Variants in CRACDL observed in about 807,000 individuals in gnomAD.
CRACDL encodes the protein CRACD-like protein.
In CRACDL, 26 loss-of-function variants were observed where a neutral mutation model predicts 70.6. That is an observed-to-expected ratio of 0.37 (90% CI 0.27 to 0.51). The LOEUF (loss-of-function observed/expected upper bound fraction) is 0.51, where lower values mean the gene tolerates loss of function less well. Ranked by LOEUF, CRACDL falls within the 20% of genes least tolerant of loss-of-function variation. CRACDL has a pLI of 0.94. For missense variants in CRACDL, 1,283 were observed against 1,376.9 expected (o/e 0.93, Z 1.08); for synonymous variants, 618 against 615.2 (o/e 1.00, Z -0.07).
At chr2:98,909,669 A>G (rs1346687889) in intron 1 of CRACDL, among the ~76,000 whole-genome samples, 2 of 152,182 alleles carry the variant, frequency 1.3e-5, no homozygotes, top group Non-Finnish European at 2.9e-5. Context: ...TGACACCCAG[A>G]CCAGCTGGCC....
chr2:98,825,702 C>G (rs1705273642), intron 6 of CRACDL, among the ~76,000 whole-genome samples: 1 of 152,252 alleles, frequency 6.6e-6, no homozygotes, highest in African/African-American at 2.4e-5. Context: ...CAGCCTTTAA[C>G]TGTGCATGCA....
intron 1 of CRACDL, among the ~76,000 whole-genome samples, chr2:98,848,951 T>C (rs1706370898): frequency 6.6e-6 from 1 of 152,164 alleles, no homozygotes; most frequent in Non-Finnish European, 1.5e-5. Flanking sequence ...AGATATGGCG[T>C]CTACACTCAC....
intron 7 of CRACDL, among the ~76,000 whole-genome samples, chr2:98,801,371 A>G (rs1704068338): frequency 6.6e-6 from 1 of 152,212 alleles, no homozygotes; most frequent in Non-Finnish European, 1.5e-5. Context: ...TCAGCAGATA[A>G]GCTGAGAAAG....
At chr2:98,833,099 A>G (rs1329418509) in intron 3 of CRACDL, 102 bp from the exon 4 acceptor site, 2 of 1,057,604 alleles carry the variant, frequency 1.9e-6, no homozygotes, top group East Asian at 2.4e-5. Context: ...AGAACATCAA[A>G]CAACACTCCC....
chr2:98,910,038 T>C (rs1708509452), intron 1 of CRACDL, among the ~76,000 whole-genome samples: 1 of 152,112 alleles, frequency 6.6e-6, no homozygotes, highest in Admixed American at 6.6e-5. Context: ...CATCGCACTT[T>C]CCCTATAACT....
At chr2:98,840,856 A>G (rs1705998380) in intron 2 of CRACDL, 4 of 152,106 alleles carry the variant, frequency 2.6e-5, no homozygotes. Flanking sequence ...TTTCATTTTG[A>G]CTGCTATTAG....
chr2:98,795,077 A>ATATATATTTT, intron 9 of CRACDL, among the ~76,000 whole-genome samples: 8 of 58,494 alleles, frequency 1.4e-4, no homozygotes, highest in Admixed American at 2.2e-4. Flanking sequence ...ATATATATAT[A>ATATATATTTT]TTTTTTTTTT....
chr2:98,866,602 C>T (rs1381038861), intron 1 of CRACDL, among the ~76,000 whole-genome samples: 1 of 149,894 alleles, frequency 6.7e-6, no homozygotes, highest in East Asian at 2.0e-4. Context: ...ATTCTCCTGC[C>T]TCAGCCTCCT....
chr2:98,907,290 C>T (rs991744616), intron 1 of CRACDL, among the ~76,000 whole-genome samples: 1 of 152,186 alleles, frequency 6.6e-6, no homozygotes, highest in African/African-American at 2.4e-5. Flanking sequence ...GAAACTCCAT[C>T]TCAGGAAACA....
At chr2:98,897,158 G>A (rs533411688) in intron 1 of CRACDL, among the ~76,000 whole-genome samples, 18 of 152,024 alleles carry the variant, frequency 1.2e-4, no homozygotes, top group African/African-American at 3.1e-4. Context: ...TTTGTTCTCC[G>A]TCACGATCGT....
intron 1 of CRACDL, among the ~76,000 whole-genome samples, chr2:98,916,876 G>A (rs1276938428): frequency 6.6e-6 from 1 of 152,128 alleles, no homozygotes; most frequent in Non-Finnish European, 1.5e-5. Flanking sequence ...GTCAGCACCT[G>A]TCCTTCGGTA....
At chr2:98,814,296 T>A (rs1432408294) in intron 7 of CRACDL, among the ~76,000 whole-genome samples, 1 of 152,186 alleles carries the variant, frequency 6.6e-6, no homozygotes, top group East Asian at 1.9e-4. Flanking sequence ...TATAATTTAA[T>A]GTTGAGTTTC....
At chr2:98,801,937 G>T (rs992606571) in intron 7 of CRACDL, among the ~76,000 whole-genome samples, 1 of 152,238 alleles carries the variant, frequency 6.6e-6, no homozygotes, top group Non-Finnish European at 1.5e-5. Flanking sequence ...CCTGGAGCTT[G>T]ATGGAGACCA....
chr2:98,853,044 G>A (rs1706548342), intron 1 of CRACDL, among the ~76,000 whole-genome samples: 2 of 130,442 alleles, frequency 1.5e-5, no homozygotes, highest in South Asian at 6.0e-4. Context: ...GAAGGGAAGG[G>A]GAAAGGGAAG....
At chr2:98,911,364 T>G (rs1335475516) in intron 1 of CRACDL, among the ~76,000 whole-genome samples, 1 of 152,136 alleles carries the variant, frequency 6.6e-6, no homozygotes. Flanking sequence ...CAGAGGGATG[T>G]GGACAGGGTC....
intron 3 of CRACDL, among the ~76,000 whole-genome samples, chr2:98,835,129 A>G (rs1042955755): frequency 2.6e-5 from 4 of 152,238 alleles, no homozygotes; most frequent in Admixed American, 2.6e-4. Context: ...TTTCAAGTGT[A>G]AGAGAAAAGA....
chr2:98,916,083 CA>C, intron 1 of CRACDL, among the ~76,000 whole-genome samples: 1 of 152,282 alleles, frequency 6.6e-6, no homozygotes, highest in East Asian at 1.9e-4. Flanking sequence ...GGCATGCTTA[CA>C]AAAAGGGGAG....
chr2:98,883,492 C>G (rs1707712017), intron 1 of CRACDL, among the ~76,000 whole-genome samples: 1 of 152,210 alleles, frequency 6.6e-6, no homozygotes. Context: ...TTCTCAGGCG[C>G]CTGCACTGCT....
At chr2:98,836,388 C>A (rs1202677455) in intron 3 of CRACDL, among the ~76,000 whole-genome samples, 1 of 152,192 alleles carries the variant, frequency 6.6e-6, no homozygotes, top group East Asian at 1.9e-4. Flanking sequence ...ACTTCCCAGG[C>A]CTCATCATGC....
Sources: gnomAD v4.1 joint callset for allele counts (sites outside exome capture counted in the v4.1 genomes callset) on GRCh38, gnomAD v4.1.1 for gene constraint, MANE v1.5 for transcripts, NCBI Gene and HGNC (gene_info 2026-07-23, HGNC 2026-07-21) for gene names.